FCN1: variants seen among roughly 807,000 people sequenced by gnomAD.
FCN1 encodes ficolin 1.
A neutral mutation model predicts 35.6 loss-of-function variants in FCN1; 42 were observed. The observed-to-expected ratio is 1.18, with a 90% CI of 0.92 to 1.53. The LOEUF is 1.53. Ranked by LOEUF, FCN1 falls within the 40% of genes most tolerant of loss-of-function variation. FCN1 has a pLI of 0.00. For missense variants in FCN1, 439 were observed against 428.4 expected (o/e 1.02, Z -0.22); for synonymous variants, 179 against 169.8 (o/e 1.05, Z -0.42).
At position 134,909,968 on chromosome 9, in the gene FCN1, C is replaced by G. The variant is rs368429986; in HGVS notation, c.811G>C (p.Ala271Pro). 1.2e-6 allele frequency: 2 copies of G among 1,614,126 alleles called. No homozygotes were observed. The highest frequency in any genetic ancestry group is 1.7e-5 in the Admixed American group (1 of 60,026). ...QDNDVSSSNC[A>P]EKFQGAWWYA... is the part of the protein sequence containing the mutation. ...CACCAGGCTCCTTGGAACTTCTCAG[C>G]ACAATTCGAAGAACTCACATCATTG... Residue 271 changes from alanine (A) to proline (P), a missense_variant, in exon 9 of 9, where the codon GCT becomes CCT. Ala to Pro is a conservative substitution (Grantham distance 27). Coordinates refer to ENST00000371806, the MANE Select transcript of FCN1 (RefSeq NM_002003.5).
chr9:134,905,673 A>G lies in FCN1; in HGVS notation c.*4125T>C, dbSNP rs983078548. On this transcript the variant is annotated 3_prime_UTR_variant, in exon 9 of 9. Coordinates refer to ENST00000371806, the MANE Select transcript of FCN1 (RefSeq NM_002003.5). The stretch of plus-strand genomic sequence containing the variant: ...TAATTTTTTTGTATTTTTAGTAGAG[A>G]CGGGGTTTCATCATGTTAGCCAGGA... 4.3e-4 allele frequency among the ~76,000 whole-genome samples: 65 copies of G among 151,308 alleles called. 2 individuals carry two copies. The highest frequency in any genetic ancestry group is 5.9e-5 in the Non-Finnish European group (4 of 67,926).
chr9:134,909,762 C>T lies in FCN1; in HGVS notation c.*36G>A. The T allele has an allele frequency of 1.9e-6, 3 of 1,609,018 alleles. No individual in the cohort carries two copies. The highest frequency in any genetic ancestry group is 2.5e-6 in the Non-Finnish European group (3 of 1,179,660). ...CGCAGCGCTTGTGGGTGTGGCCTCC[C>T]CACTAGCAGGTGCATGTGGAGGGGT... On this transcript the variant is annotated 3_prime_UTR_variant, in exon 9 of 9. Coordinates refer to ENST00000371806, the MANE Select transcript of FCN1 (RefSeq NM_002003.5).
Position 134,906,794 on chromosome 9 carries a change from G to A in FCN1, c.*3004C>T, listed in dbSNP as rs1388470501. ...TAATACAAAAGGCATATTTTGGCCAGGCACAGTGTCTCACGCCTGTAATCT... is the reference window on the plus strand; with the variant it reads ...TAATACAAAAGGCATATTTTGGCCAAGCACAGTGTCTCACGCCTGTAATCT... On this transcript the variant is annotated 3_prime_UTR_variant, in exon 9 of 9. Transcript: ENST00000371806. The A allele has an allele frequency of 6.6e-6, 1 of 152,182 alleles. No individual in the cohort carries two copies. Among genetic ancestry groups the A allele is most frequent in the African/African-American group, 2.4e-5 (1 of 41,440 alleles). 9.4% of individuals were successfully genotyped at this position (152,182 alleles called of 1,614,324 possible).
chr9:134,913,272 C>A (rs1472218717), intron 5 of FCN1, 129 bp from the exon 6 acceptor site: 24 of 1,303,528 alleles, frequency 1.8e-5, no homozygotes, highest in Non-Finnish European at 2.5e-5. Context: ...ACTCCGAGGC[C>A]TGGACAGGGA....
At position 134,913,034 on chromosome 9, in the gene FCN1, C is replaced by A. The variant is rs747328605; in HGVS notation, c.450G>T (p.Thr150=). The A allele has an allele frequency of 6.2e-7, 1 of 1,612,316 alleles. No individual in the cohort carries two copies. The highest frequency in any genetic ancestry group is 8.5e-7 in the Non-Finnish European group (1 of 1,179,290). The part of the protein sequence containing the change: ...RPLTVLCDMD[T]DGGGWTVFQR... Reference sequence around the variant, plus strand: ...CACTCACGGTCCAGCCCCCTCCGTCCGTGTCCATGTCACAGAGCACAGTCA... The same window carrying A: ...CACTCACGGTCCAGCCCCCTCCGTCAGTGTCCATGTCACAGAGCACAGTCA... Residue 150 remains threonine (T), a synonymous_variant, in exon 6 of 9, where the codon ACG becomes ACT. Transcript: ENST00000371806.
Position 134,909,331 on chromosome 9 carries a change from G to T in FCN1, c.*467C>A. The T allele has an allele frequency of 5.4e-6, 7 of 1,288,372 alleles. No individual in the cohort carries two copies. Among genetic ancestry groups the T allele is most frequent in the Non-Finnish European group, 7.1e-6 (7 of 987,776 alleles). The allele number at this position is 1,288,372 out of a possible 1,614,324, so 79.8% of individuals were successfully genotyped here. A position where few individuals can be genotyped will look rare whatever the true frequency, so the allele number is the denominator to read the frequency against. ...TGACCTTTTTCAAGAAGTGTGAAGT[G>T]TTGTGAGTGAGGCATGGGGGGATGG... On this transcript the variant is annotated 3_prime_UTR_variant, in exon 9 of 9. Coordinates refer to ENST00000371806, the MANE Select transcript of FCN1 (RefSeq NM_002003.5).
Position 134,909,715 on chromosome 9 carries a change from G to A in FCN1, c.*83C>T. On this transcript the variant is annotated 3_prime_UTR_variant, in exon 9 of 9. Transcript: ENST00000371806. Reference sequence around the variant, plus strand: ...GCGTCATGGGAGTGTGTCTGGCTGGGGAAATGGGGTGACTTCCACGACGCA... The same window carrying A: ...GCGTCATGGGAGTGTGTCTGGCTGGAGAAATGGGGTGACTTCCACGACGCA... The A allele has an allele frequency of 6.3e-7, 1 of 1,597,062 alleles. No homozygotes were observed. Among genetic ancestry groups the A allele is most frequent in the Non-Finnish European group, 8.5e-7 (1 of 1,177,526 alleles).
rs764028447 is a variant in FCN1 at position 134,916,364 on chromosome 9, A to T, written c.201T>A (p.Gly67=). 1.9e-6 allele frequency: 3 copies of T among 1,613,518 alleles called. No homozygotes were observed. Among genetic ancestry groups the T allele is most frequent in the Non-Finnish European group, 2.5e-6 (3 of 1,179,810 alleles). The stretch of plus-strand genomic sequence containing the variant: ...CGCACCTACCTCTCTCTCCAATGAC[A>T]CCTGCCTCTCCCTTTGGCCCTGGGG... ...PGAPGPKGEA[G]VIGERGERGL... Residue 67 remains glycine (G), a synonymous_variant, in exon 2 of 9, where the codon GGT becomes GGA. Transcript: ENST00000371806.
intron 2 of FCN1, 118 bp downstream of exon 2, chr9:134,916,230 C>A (rs1831089505): frequency 7.4e-6 from 6 of 808,930 alleles, no homozygotes; most frequent in Non-Finnish European, 1.1e-5. Context: ...GGGGCCTGAC[C>A]CAGGCTCTTG....
chr9:134,916,357 C>G lies in FCN1; in HGVS notation c.208G>C (p.Gly70Arg). 2 of 1,613,824 alleles carry G rather than the reference C, an allele frequency of 1.2e-6. No homozygotes were observed. The highest frequency in any genetic ancestry group is 1.7e-6 in the Non-Finnish European group (2 of 1,179,732). The change falls in exon 2 of 9, where the codon GGA (glycine) becomes CGA (arginine). Residue 70 changes from glycine (G) to arginine (R), a missense_variant. Physicochemically the swap from Gly to Arg is moderately radical, Grantham distance 125. Transcript: ENST00000371806. Reference sequence around the variant, plus strand: ...CCCGGCCCGCACCTACCTCTCTCTCCAATGACACCTGCCTCTCCCTTTGGC... The same window carrying G: ...CCCGGCCCGCACCTACCTCTCTCTCGAATGACACCTGCCTCTCCCTTTGGC... ...PGPKGEAGVI[G>R]ERGERGLPGA...
intron 1 of FCN1, 83 bp from the exon 2 acceptor site, chr9:134,916,544 G>T: frequency 7.4e-7 from 1 of 1,357,136 alleles, no homozygotes; most frequent in Non-Finnish European, 1.1e-6. Context: ...TGGGGCCTTG[G>T]TCTGTCCTCA....
rs543819529 is a variant in FCN1, at chr9:134,911,647, C to T, written c.599-380G>A. Among the ~76,000 whole-genome samples, 34 of 151,650 alleles carry T rather than the reference C, an allele frequency of 2.2e-4. 1 individual carries two copies. The highest frequency in any genetic ancestry group is 8.0e-4 in the African/African-American group (33 of 41,310). The stretch of plus-strand genomic sequence containing the variant: ...GATTACAGGTGTGAGCCACGGTGCC[C>T]GGCTGGGGATGGATATATTCTTAAG... On this transcript the variant is annotated intron_variant, in intron 7 of 8. Coordinates refer to ENST00000371806, the MANE Select transcript of FCN1 (RefSeq NM_002003.5).
Position 134,909,771 on chromosome 9 carries a change from G to C in FCN1, c.*27C>G. ...TGTGGGTGTGGCCTCCCCACTAGCA[G>C]GTGCATGTGGAGGGGTCCTGGCCCG... On this transcript the variant is annotated 3_prime_UTR_variant, in exon 9 of 9. Transcript: ENST00000371806. 6.2e-7 allele frequency: 1 copy of C among 1,611,092 alleles called. No homozygotes were observed. Among genetic ancestry groups the C allele is most frequent in the African/African-American group, 1.3e-5 (1 of 74,994 alleles).
chr9:134,912,632 A>T lies in FCN1; in HGVS notation c.469-17T>A. ...CTGGAAAACCTGTGAAGAAGCCAGG[A>T]TACAGAGTTAGGCGGGGCAGGCCGA... On this transcript the variant is annotated splice_polypyrimidine_tract_variant and intron_variant, in intron 6 of 8. Coordinates refer to ENST00000371806, the MANE Select transcript of FCN1 (RefSeq NM_002003.5). The T allele has an allele frequency of 1.2e-6, 2 of 1,614,118 alleles. No individual in the cohort carries two copies. The highest frequency in any genetic ancestry group is 1.7e-6 in the Non-Finnish European group (2 of 1,179,954).
intron 2 of FCN1, among the ~76,000 whole-genome samples, chr9:134,915,860 G>A (rs1024311475): frequency 2.0e-5 from 3 of 152,210 alleles, no homozygotes; most frequent in African/African-American, 4.8e-5. Context: ...CACATGCAGA[G>A]CTCAGGGCTC....
chr9:134,912,109 G>A (rs1485877896), intron 7 of FCN1, among the ~76,000 whole-genome samples: 1 of 152,200 alleles, frequency 6.6e-6, no homozygotes, highest in Non-Finnish European at 1.5e-5. Flanking sequence ...CTGCTGAGGC[G>A]TGGGCTGGAG....
At chr9:134,910,455 G>A (rs78220637) in intron 8 of FCN1, among the ~76,000 whole-genome samples, 2,224 of 152,244 alleles carry the variant, frequency 0.015, 27 homozygotes, top group South Asian at 0.028. Flanking sequence ...GCCCTGAGCC[G>A]GAAGCTCATC....
rs1425109512 is a variant in FCN1 at position 134,906,518 on chromosome 9, A to G, written c.*3280T>C. The G allele has an allele frequency of 6.6e-6, 1 of 152,198 alleles. No individual in the cohort carries two copies. Among genetic ancestry groups the G allele is most frequent in the African/African-American group, 2.4e-5 (1 of 41,450 alleles). The allele number at this position is 152,198 out of a possible 1,614,324, so 9.4% of individuals were successfully genotyped here. On this transcript the variant is annotated 3_prime_UTR_variant, in exon 9 of 9. Transcript: ENST00000371806. ...AGAAAACCCTCCTTAGCACTAATTA[A>G]TCTTTAAAAATCTAATAATTTAACT... is the stretch of plus-strand genomic sequence containing the variant.
At chr9:134,914,673 C>T (rs1480394227) in intron 3 of FCN1, 83 bp downstream of exon 3, 1 of 1,024,818 alleles carries the variant, frequency 9.8e-7, no homozygotes, top group Non-Finnish European at 1.5e-6. Flanking sequence ...GTGTCTCTGT[C>T]TCTGTCTCTC....
Sources: gnomAD v4.1 joint callset for allele counts (sites outside exome capture counted in the v4.1 genomes callset) on GRCh38, gnomAD v4.1.1 for gene constraint, MANE v1.5 for transcripts, NCBI Gene and HGNC (gene_info 2026-07-23, HGNC 2026-07-21) for gene names.